RBFOX1: variants seen among roughly 807,000 people sequenced by gnomAD.
RBFOX1 encodes the protein RNA binding protein fox-1 homolog 1.
In RBFOX1, 8 loss-of-function variants were observed where a neutral mutation model predicts 57.7. The ratio of observed to expected loss-of-function variants is 0.14; its 90% CI spans 0.08 to 0.25. The LOEUF (loss-of-function observed/expected upper bound fraction) is 0.25, where lower values mean the gene tolerates loss of function less well. Among genes scored for constraint, RBFOX1 ranks in the 10% least tolerant of loss-of-function variants. RBFOX1 has a pLI of 1.00. For missense variants in RBFOX1, 611 were observed against 548.5 expected, an observed-to-expected ratio of 1.11 and a Z score of -1.14; for synonymous variants, 326 against 222.4, an observed-to-expected ratio of 1.47 and a Z score of -4.15.
At chr16:7,101,361 A>T (rs1294385070) in intron 4 of RBFOX1, among the ~76,000 whole-genome samples, 1 of 152,224 alleles carries the variant, frequency 6.6e-6, no homozygotes, top group Non-Finnish European at 1.5e-5. Flanking sequence ...TTTAGGAAGA[A>T]ATGTAATACT....
At chr16:6,774,951 C>G (rs975465990) in intron 3 of RBFOX1, among the ~76,000 whole-genome samples, 4 of 151,984 alleles carry the variant, frequency 2.6e-5, no homozygotes, top group African/African-American at 7.2e-5. Flanking sequence ...TCTATAGGCC[C>G]TAATCTCATC....
intron 4 of RBFOX1, among the ~76,000 whole-genome samples, chr16:7,504,775 A>ATATATATATT (rs1567555039): frequency 7.0e-5 from 1 of 14,230 alleles, no homozygotes; most frequent in African/African-American, 1.4e-4. Context: ...ATATATTTAT[A>ATATATATATT]TATATATATA....
At chr16:7,128,054 T>C (rs887273041) in intron 4 of RBFOX1, among the ~76,000 whole-genome samples, 2 of 152,200 alleles carry the variant, frequency 1.3e-5, no homozygotes, top group African/African-American at 2.4e-5. Flanking sequence ...CATCGTCCTC[T>C]GGCAAATTCT....
At chr16:5,868,700 C>G (rs1001584301) in intron 4 of RBFOX1, among the ~76,000 whole-genome samples, 1 of 152,168 alleles carries the variant, frequency 6.6e-6, no homozygotes, top group Non-Finnish European at 1.5e-5. Context: ...AAGGATAGGG[C>G]AGAGATGAGC....
chr16:7,556,324 CT>C (rs2152602722), intron 5 of RBFOX1, among the ~76,000 whole-genome samples: 1 of 152,288 alleles, frequency 6.6e-6, no homozygotes, highest in South Asian at 2.1e-4. Flanking sequence ...GATTTGCATG[CT>C]TCCCCTCCAT....
intron 2 of RBFOX1, among the ~76,000 whole-genome samples, chr16:5,558,385 C>G (rs77872407): frequency 0.052 from 7,857 of 152,212 alleles, 252 homozygotes; most frequent in East Asian, 0.1. Flanking sequence ...TCCTCACCAC[C>G]TACCCATCTG....
At chr16:7,465,446 G>A (rs8063687) in intron 4 of RBFOX1, among the ~76,000 whole-genome samples, 12 of 152,208 alleles carry the variant, frequency 7.9e-5, no homozygotes, top group African/African-American at 2.7e-4. Flanking sequence ...GGAATGACTT[G>A]GGAGCAGCAC....
chr16:6,658,272 G>A (rs532845857), intron 3 of RBFOX1, among the ~76,000 whole-genome samples: 7 of 149,608 alleles, frequency 4.7e-5, no homozygotes, highest in Non-Finnish European at 8.9e-5. Flanking sequence ...GTCTCCCTCT[G>A]TCTCAAATCT....
chr16:5,861,285 C>T (rs1429040335), intron 3 of RBFOX1, among the ~76,000 whole-genome samples: 1 of 152,144 alleles, frequency 6.6e-6, no homozygotes, highest in Admixed American at 6.5e-5. Flanking sequence ...CTTACACCCC[C>T]GTGCCACACA....
intron 3 of RBFOX1, among the ~76,000 whole-genome samples, chr16:6,749,806 A>T (rs1454543261): frequency 6.6e-6 from 1 of 152,188 alleles, no homozygotes; most frequent in Non-Finnish European, 1.5e-5. Flanking sequence ...GAAGAATGCG[A>T]TGTAAAATGT....
At chr16:6,534,571 C>G (rs555174422) in intron 2 of RBFOX1, among the ~76,000 whole-genome samples, 1 of 152,276 alleles carries the variant, frequency 6.6e-6, no homozygotes, top group South Asian at 2.1e-4. Context: ...GAGCATTAAT[C>G]ACCAAATGTT....
intron 3 of RBFOX1, among the ~76,000 whole-genome samples, chr16:6,823,074 C>T (rs1019654449): frequency 6.6e-6 from 1 of 152,140 alleles, no homozygotes; most frequent in Middle Eastern, 3.4e-3. Flanking sequence ...ACAATTATTT[C>T]CATTTTACAG....
At chr16:6,817,867 C>T (rs1342232357) in intron 3 of RBFOX1, among the ~76,000 whole-genome samples, 1 of 152,120 alleles carries the variant, frequency 6.6e-6, no homozygotes, top group Non-Finnish European at 1.5e-5. Flanking sequence ...GACAGGAGAT[C>T]CCAAGCCCTT....
intron 2 of RBFOX1, among the ~76,000 whole-genome samples, chr16:6,407,369 A>G (rs1040510732): frequency 4.6e-5 from 7 of 152,048 alleles, no homozygotes; most frequent in African/African-American, 1.2e-4. Flanking sequence ...ATCTATATCT[A>G]TATCTTTACC....
chr16:5,504,812 G>T (rs1368811879), intron 2 of RBFOX1, among the ~76,000 whole-genome samples: 1 of 152,200 alleles, frequency 6.6e-6, no homozygotes, highest in Non-Finnish European at 1.5e-5. Context: ...CTGGCCATGA[G>T]CGGTGACGTT....
intron 4 of RBFOX1, among the ~76,000 whole-genome samples, chr16:7,351,457 G>A (rs1164959496): frequency 1.3e-5 from 2 of 152,218 alleles, no homozygotes; most frequent in African/African-American, 4.8e-5. Flanking sequence ...TTATGTTCTT[G>A]TAGGGGAAGG....
intron 2 of RBFOX1, among the ~76,000 whole-genome samples, chr16:6,521,712 GA>G (rs952128044): frequency 2.6e-5 from 4 of 151,368 alleles, no homozygotes; most frequent in East Asian, 1.9e-4. Flanking sequence ...ACAACAACAA[GA>G]AAAAAAAATT....
At chr16:6,815,769 C>A (rs1026762074) in intron 3 of RBFOX1, among the ~76,000 whole-genome samples, 4 of 152,282 alleles carry the variant, frequency 2.6e-5, no homozygotes, top group Middle Eastern at 6.8e-3. Context: ...TGCAGCCAAA[C>A]CTCATTCTCT....
chr16:7,148,955 G>T (rs894099612), intron 4 of RBFOX1, among the ~76,000 whole-genome samples: 4 of 152,198 alleles, frequency 2.6e-5, no homozygotes, highest in African/African-American at 9.7e-5. Flanking sequence ...TTTCAAGAAG[G>T]CACAAAGATA....
Sources: allele counts gnomAD v4.1 joint callset (sites outside exome capture counted in the v4.1 genomes callset), GRCh38; gene constraint gnomAD v4.1.1; transcripts MANE v1.5; gene names NCBI Gene and HGNC (gene_info 2026-07-23, HGNC 2026-07-21).